ING5: variants seen among roughly 807,000 people sequenced by gnomAD.
ING5 encodes inhibitor of growth protein 5.
ING5 carries 17 observed loss-of-function variants against 37.4 expected under a neutral mutation model. The ratio of observed to expected loss-of-function variants is 0.45; its 90% CI spans 0.31 to 0.68. The LOEUF is 0.68. ING5 is among the 30% of genes least tolerant of loss of function. ING5 has a pLI of 0.05. For missense variants in ING5, 233 were observed against 311.9 expected, an observed-to-expected ratio of 0.75 and a Z score of 1.91; for synonymous variants, 123 against 116.6, an observed-to-expected ratio of 1.06 and a Z score of -0.36.
At position 241,722,988 on chromosome 2, in the gene ING5, G is replaced by C; in HGVS notation, c.532G>C (p.Asp178His). The C allele has an allele frequency of 6.2e-7, 1 of 1,614,200 alleles. No homozygotes were observed. Among genetic ancestry groups the C allele is most frequent in the Non-Finnish European group, 8.5e-7 (1 of 1,180,042 alleles). ...GTCCGTGCACCCCTCTGATGTGCTGGACATGCCCGTGGACCCAAACGAACC... is the reference window on the plus strand; with the variant it reads ...GTCCGTGCACCCCTCTGATGTGCTGCACATGCCCGTGGACCCAAACGAACC... ...ILSVHPSDVL[D>H]MPVDPNEPTY... Residue 178 changes from aspartate (D) to histidine (H), a missense_variant, in exon 6 of 8, where the codon GAC becomes CAC. By Grantham distance (81) the Asp-to-His change is moderately conservative. Transcript: ENST00000313552.
At chr2:241,719,778 CA>C in intron 5 of ING5, 1 of 1,442,556 alleles carries the variant, frequency 6.9e-7, no homozygotes. Flanking sequence ...ACTGTGGCCT[CA>C]TGGCTTTTCC....
Position 241,696,305 on chromosome 2 carries a change from C to T in ING5, c.43+5652C>T, listed in dbSNP as rs185226812. Among the ~76,000 whole-genome samples the T allele has an allele frequency of 1.1e-4, 17 of 152,090 alleles. No homozygotes were observed. In the East Asian group the frequency reaches 2.1e-3, roughly 19 times the overall value. Reference sequence around the variant, plus strand: ...ACTCGGGAGGCCAAGGCCGGAGAATCGCTTGAACCTGGGAGGTGGAGGTTG... The same window carrying T: ...ACTCGGGAGGCCAAGGCCGGAGAATTGCTTGAACCTGGGAGGTGGAGGTTG... On this transcript the variant is annotated intron_variant, in intron 2 of 7. Transcript: ENST00000636051.
In ING5 at chr2:241,727,313, T is replaced by C. The variant is rs1326192540; in HGVS notation, c.*2282T>C. 6.6e-6 allele frequency: 1 copy of C among 151,556 alleles called. No homozygotes were observed. Among genetic ancestry groups the C allele is most frequent in the Non-Finnish European group, 1.5e-5 (1 of 68,030 alleles). The allele number at this position is 151,556 out of a possible 1,614,324, so 9.4% of individuals were successfully genotyped here. A position where few individuals can be genotyped will look rare whatever the true frequency, so the allele number is the denominator to read the frequency against. ...TGTGTGTGTGTGTGTGTGTGTTTTG[T>C]TTTTTGTTTTGTGTTTTTGAAACGG... On this transcript the variant is annotated 3_prime_UTR_variant, in exon 8 of 8. Coordinates refer to ENST00000313552, the MANE Select transcript of ING5 (RefSeq NM_032329.6).
chr2:241,709,904 ACCT>A (rs1316582361), intron 3 of ING5, among the ~76,000 whole-genome samples: 1 of 150,258 alleles, frequency 6.7e-6, no homozygotes, highest in Non-Finnish European at 1.5e-5. Context: ...ACCGTGCCCG[ACCT>A]CCAGGTGGCC....
In ING5 at chr2:241,725,499, CCCT is replaced by C. The variant is rs1691583027; in HGVS notation, c.*473_*475del. 1 of 152,822 alleles carries C rather than the reference CCCT, an allele frequency of 6.5e-6. No homozygotes were observed. The highest frequency in any genetic ancestry group is 1.5e-5 in the Non-Finnish European group (1 of 68,672). 9.5% of individuals were successfully genotyped at this position (152,822 alleles called of 1,614,324 possible). On this transcript the variant is annotated 3_prime_UTR_variant, in exon 8 of 8. Transcript: ENST00000313552. ...GGGGCCACTGCCGTGGCGGCGGCTG[CCCT>C]CCTCACACTCGGCTCCGCGCCGCCT...
At chr2:241,702,294 C>T (rs1575119884) in intron 1 of ING5, among the ~76,000 whole-genome samples, 192 bp downstream of exon 1, 1 of 147,336 alleles carries the variant, frequency 6.8e-6, no homozygotes, top group Non-Finnish European at 1.5e-5. Flanking sequence ...GGGGCGGGCG[C>T]GGGGGGTCCC....
In ING5 at chr2:241,723,006, A is replaced by C; in HGVS notation, c.550A>C (p.Asn184His). The change falls in exon 6 of 8, where the codon AAC (asparagine) becomes CAC (histidine). Residue 184 changes from asparagine (N) to histidine (H), a missense_variant. Around this residue, in one of 4 missense-constraint regions of ING5, gnomAD observed 45 missense variants for 98.2 expected, o/e 0.46. Coordinates refer to ENST00000313552, the MANE Select transcript of ING5 (RefSeq NM_032329.6). ...TGTGCTGGACATGCCCGTGGACCCA[A>C]ACGAACCCACGTACTGCCTGTGCCA... ...SDVLDMPVDP[N>H]EPTYCLCHQV... 2 of 1,614,118 alleles carry C rather than the reference A, an allele frequency of 1.2e-6. No homozygotes were observed. The highest frequency in any genetic ancestry group is 1.7e-6 in the Non-Finnish European group (2 of 1,180,022).
At chr2:241,708,922 G>A (rs2070011616) in intron 2 of ING5, among the ~76,000 whole-genome samples, 1 of 152,214 alleles carries the variant, frequency 6.6e-6, no homozygotes, top group Non-Finnish European at 1.5e-5. Flanking sequence ...GTGGCTACAA[G>A]TTATTCATAC....
At chr2:241,697,224 A>G (rs2069643576), upstream of ING5, among the ~76,000 whole-genome samples, 1 of 152,112 alleles carries the variant, frequency 6.6e-6, no homozygotes, top group South Asian at 2.1e-4. Context: ...ACACAAGGCC[A>G]GGAGATCAAG....
intron 5 of ING5, among the ~76,000 whole-genome samples, chr2:241,713,701 C>G (rs2070186599): frequency 6.6e-6 from 1 of 150,380 alleles, no homozygotes; most frequent in African/African-American, 2.4e-5. Flanking sequence ...TAGTGCTTAG[C>G]CTTTTGGCCG....
chr2:241,719,618 C>T (rs1204059563), intron 5 of ING5: 1 of 1,535,770 alleles, frequency 6.5e-7, no homozygotes, highest in Admixed American at 2.0e-5. Context: ...CAAGGGTATG[C>T]TAGGCATAAG....
intron 1 of ING5, among the ~76,000 whole-genome samples, chr2:241,703,656 G>C (rs1384611196): frequency 6.6e-6 from 1 of 151,942 alleles, no homozygotes; most frequent in East Asian, 1.9e-4. Context: ...CTGTTGCCCA[G>C]GTTGGAGGGT....
intron 5 of ING5, 113 bp downstream of exon 5, chr2:241,712,184 T>C (rs1433593266): frequency 4.7e-5 from 41 of 867,556 alleles, no homozygotes; most frequent in Non-Finnish European, 6.6e-5. Context: ...GTGTGCCGGG[T>C]GGTATTCTGA....
intron 5 of ING5, among the ~76,000 whole-genome samples, chr2:241,718,090 G>A (rs1385452747): frequency 3.3e-5 from 5 of 152,168 alleles, no homozygotes; most frequent in East Asian, 3.9e-4. Flanking sequence ...TCCGCTCACC[G>A]CAGCCTCTGC....
chr2:241,696,716 C>T (rs559556322), intron 2 of ING5, among the ~76,000 whole-genome samples: 2 of 151,994 alleles, frequency 1.3e-5, no homozygotes, highest in East Asian at 3.9e-4. Context: ...CCCAGGAGGT[C>T]GAGGCTGCAT....
At chr2:241,714,838 C>T (rs1474284178) in intron 5 of ING5, among the ~76,000 whole-genome samples, 6 of 152,136 alleles carry the variant, frequency 3.9e-5, no homozygotes, top group East Asian at 1.9e-4. Flanking sequence ...TCAAGCAGTC[C>T]GCCTGCCTCA....
At chr2:241,723,300 C>G (rs1479737415) in intron 7 of ING5, 29 bp downstream of exon 7, 7 of 1,609,900 alleles carry the variant, frequency 4.3e-6, no homozygotes, top group Non-Finnish European at 5.1e-6. Context: ...GCTCTGTTTT[C>G]TCCCAGTCTG....
chr2:241,719,356 C>T (rs1393392768), intron 5 of ING5: 3 of 649,934 alleles, frequency 4.6e-6, no homozygotes, highest in Non-Finnish European at 5.5e-6. Flanking sequence ...AGGCGGACGC[C>T]GCCCCCAACC....
chr2:241,701,390 G>A (rs1309952365), upstream of ING5, among the ~76,000 whole-genome samples: 1 of 152,248 alleles, frequency 6.6e-6, no homozygotes, highest in Non-Finnish European at 1.5e-5. Context: ...TGCCTCGAGA[G>A]GTGGCAGCAA....
Sources: allele counts gnomAD v4.1 joint callset (sites outside exome capture counted in the v4.1 genomes callset), GRCh38; gene constraint gnomAD v4.1.1; regional missense constraint gnomAD v4.1.1; transcripts MANE v1.5; gene names NCBI Gene and HGNC (gene_info 2026-07-23, HGNC 2026-07-21).